The following C8orf34 variants were observed in gnomAD, a reference collection of about 807,000 sequenced individuals.
C8orf34 encodes the protein chromosome 8 open reading frame 34, also known as uncharacterized protein C8orf34.
A neutral mutation model predicts 68.3 loss-of-function variants in C8orf34; 65 were observed. The observed-to-expected ratio is 0.95, with a 90% CI of 0.78 to 1.17. C8orf34 has a LOEUF of 1.17. C8orf34 is among the 50% of genes most tolerant of loss of function. C8orf34 has a pLI of 0.00. For synonymous variants in C8orf34, 244 were observed against 241.2 expected (o/e 1.01, Z -0.11); for missense variants, 664 against 655.4 (o/e 1.01, Z -0.14).
At chr8:68,620,768 A>G (rs1818366013) in intron 7 of C8orf34, among the ~76,000 whole-genome samples, 2 of 151,272 alleles carry the variant, frequency 1.3e-5, no homozygotes, top group African/African-American at 2.4e-5. Context: ...ATAAGTGTCC[A>G]TTAATTTAGT....
chr8:68,632,434 G>A (rs985269140), intron 7 of C8orf34, among the ~76,000 whole-genome samples: 1 of 152,140 alleles, frequency 6.6e-6, no homozygotes, highest in African/African-American at 2.4e-5. Flanking sequence ...TTAAAGGGAA[G>A]CAGACCGTAA....
At chr8:68,646,711 A>G (rs1819184639) in intron 8 of C8orf34, among the ~76,000 whole-genome samples, 1 of 152,092 alleles carries the variant, frequency 6.6e-6, no homozygotes, top group African/African-American at 2.4e-5. Flanking sequence ...TATAGGTGAG[A>G]TTGTGCACTA....
At chr8:68,725,613 C>T (rs1201858687) in intron 10 of C8orf34, among the ~76,000 whole-genome samples, 1 of 152,180 alleles carries the variant, frequency 6.6e-6, no homozygotes, top group Non-Finnish European at 1.5e-5. Context: ...ATTTCCGTGG[C>T]TTATCACTTT....
upstream of C8orf34, among the ~76,000 whole-genome samples, chr8:68,330,409 G>A (rs1307793466): frequency 6.6e-6 from 1 of 152,066 alleles, no homozygotes; most frequent in Admixed American, 6.6e-5. Flanking sequence ...CTCAGGCTGC[G>A]TTCACCCGTC....
intron 7 of C8orf34, among the ~76,000 whole-genome samples, chr8:68,621,636 A>C (rs964398116): frequency 5.3e-5 from 8 of 152,128 alleles, no homozygotes; most frequent in Non-Finnish European, 1.0e-4. Context: ...AACTAGGAAA[A>C]ATATTTTAGG....
intron 7 of C8orf34, among the ~76,000 whole-genome samples, chr8:68,574,376 CACCT>C (rs1816843316): frequency 6.6e-6 from 1 of 152,022 alleles, no homozygotes; most frequent in South Asian, 2.1e-4. Context: ...AGAAATTATT[CACCT>C]ACCTGACATA....
chr8:68,798,362 T>G (rs1284826826), intron 12 of C8orf34, among the ~76,000 whole-genome samples: 1 of 149,650 alleles, frequency 6.7e-6, no homozygotes. Context: ...AGTGGCGTGA[T>G]CACAGCTCAC....
intron 12 of C8orf34, among the ~76,000 whole-genome samples, chr8:68,809,909 G>C (rs1432769758): frequency 5.9e-5 from 9 of 152,130 alleles, no homozygotes; most frequent in Non-Finnish European, 1.5e-5. Context: ...AAAAAGAAGA[G>C]CTCTAAGCAC....
chr8:68,676,955 A>T (rs569034521), intron 8 of C8orf34, among the ~76,000 whole-genome samples: 1 of 152,270 alleles, frequency 6.6e-6, no homozygotes, highest in African/African-American at 2.4e-5. Context: ...ATTCACTATC[A>T]TGAGAAGAGC....
intron 8 of C8orf34, among the ~76,000 whole-genome samples, chr8:68,678,189 A>G (rs1456118798): frequency 6.7e-6 from 1 of 149,918 alleles, no homozygotes; most frequent in African/African-American, 2.5e-5. Context: ...AAAATAGACG[A>G]TGGAATACTT....
intron 8 of C8orf34, among the ~76,000 whole-genome samples, chr8:68,661,548 G>C (rs1048279409): frequency 2.0e-5 from 3 of 152,206 alleles, no homozygotes; most frequent in Non-Finnish European, 4.4e-5. Flanking sequence ...TTAGCAAAGA[G>C]AGGAGTCCTA....
intron 3 of C8orf34, among the ~76,000 whole-genome samples, chr8:68,457,199 A>G (rs1811589874): frequency 2.0e-5 from 3 of 152,194 alleles, no homozygotes; most frequent in Admixed American, 2.0e-4. Flanking sequence ...AAATAGCTGC[A>G]TATTTATAGA....
chr8:68,818,283 A>G lies in C8orf34; in HGVS notation c.*37A>G, dbSNP rs1824879996. ...GAAGTTGCAAGTGGTCCTTAAAGAAATGCAGTTATTCAAATCCTTATGTAT... is the reference window on the plus strand; with the variant it reads ...GAAGTTGCAAGTGGTCCTTAAAGAAGTGCAGTTATTCAAATCCTTATGTAT... On this transcript the variant is annotated 3_prime_UTR_variant, in exon 14 of 14. Transcript: ENST00000518698. 1.2e-6 allele frequency: 2 copies of G among 1,606,038 alleles called. No homozygotes were observed. Among genetic ancestry groups the G allele is most frequent in the Admixed American group, 1.7e-5 (1 of 59,860 alleles).
rs772178434 is a variant in C8orf34 at position 68,646,981 on chromosome 8, G to C, written c.1241+6470G>C. ...TTTTTAATTCTAAAGCTTCTGCACA[G>C]CAAAGGCAACACTGAATAGAGCCAA... is the stretch of plus-strand genomic sequence containing the variant. On this transcript the variant is annotated intron_variant, in intron 8 of 13. Coordinates refer to ENST00000518698, the MANE Select transcript of C8orf34 (RefSeq NM_052958.4). Among the ~76,000 whole-genome samples, 6 of 152,116 alleles carry C rather than the reference G, an allele frequency of 3.9e-5. 1 individual carries two copies. The highest frequency in any genetic ancestry group is 7.4e-5 in the Non-Finnish European group (5 of 68,014).
intron 1 of C8orf34, among the ~76,000 whole-genome samples, chr8:68,388,275 A>C (rs1458269425): frequency 6.6e-6 from 1 of 152,130 alleles, no homozygotes; most frequent in Non-Finnish European, 1.5e-5. Context: ...TGGCAAACTC[A>C]GTCCTTAAGC....
At chr8:68,467,177 A>G (rs1409095330) in intron 3 of C8orf34, among the ~76,000 whole-genome samples, 1 of 151,904 alleles carries the variant, frequency 6.6e-6, no homozygotes, top group Admixed American at 6.6e-5. Context: ...CCCCCATCTC[A>G]TCCTGGCCCT....
intron 5 of C8orf34, among the ~76,000 whole-genome samples, chr8:68,489,853 A>G (rs1813234700): frequency 6.6e-6 from 1 of 152,240 alleles, no homozygotes; most frequent in African/African-American, 2.4e-5. Context: ...TGGATTTTGT[A>G]CCAGAAGAAT....
At chr8:68,749,243 G>A (rs977245596) in intron 10 of C8orf34, among the ~76,000 whole-genome samples, 2 of 151,990 alleles carry the variant, frequency 1.3e-5, no homozygotes, top group Non-Finnish European at 1.5e-5. Context: ...GTTGTGGGGT[G>A]GGGGGAGCGG....
In C8orf34 at chr8:68,535,276, G is replaced by C. The variant is rs1815417787; in HGVS notation, c.1105+2127G>C. 5.1e-6 allele frequency: 5 copies of C among 980,374 alleles called. No individual in the cohort carries two copies. The East Asian group carries it at 4.5e-4, about 89-fold the overall frequency. The allele number at this position is 980,374 out of a possible 1,614,324, so 60.7% of individuals were successfully genotyped here. On this transcript the variant is annotated intron_variant, in intron 7 of 13. Transcript: ENST00000518698. ...TTGTAAGATGCAATAGAGACATCTG[G>C]TATTTAAAATCTTTTTGAATCTACA... is the stretch of plus-strand genomic sequence containing the variant.
Sources: gnomAD v4.1 joint callset for allele counts (sites outside exome capture counted in the v4.1 genomes callset) on GRCh38, gnomAD v4.1.1 for gene constraint, MANE v1.5 for transcripts, NCBI Gene and HGNC (gene_info 2026-07-23, HGNC 2026-07-21) for gene names.